Variants in CFAP299 observed in about 807,000 individuals in gnomAD.
The protein encoded by CFAP299 is cilia and flagella associated protein 299.
A neutral mutation model predicts 27.0 loss-of-function variants in CFAP299; 21 were observed. The observed-to-expected ratio is 0.78, with a 90% CI of 0.55 to 1.12. The LOEUF is 1.12. Among genes scored for constraint, CFAP299 ranks in the 50% most tolerant of loss-of-function variants. The probability of loss-of-function intolerance (pLI) is 0.00; values close to 1 mark genes in which losing one functional copy is unlikely to be tolerated. For missense variants in CFAP299, 310 were observed against 276.6 expected, an observed-to-expected ratio of 1.12 and a Z score of -0.86; for synonymous variants, 104 against 98.1, an observed-to-expected ratio of 1.06 and a Z score of -0.36.
At chr4:80,651,269 C>A (rs1401421363) in intron 3 of CFAP299, among the ~76,000 whole-genome samples, 1 of 134,270 alleles carries the variant, frequency 7.4e-6, no homozygotes, top group Non-Finnish European at 1.6e-5. Context: ...CTTTCTTTCT[C>A]TTTCTCTCTT....
intron 2 of CFAP299, among the ~76,000 whole-genome samples, chr4:80,530,790 G>A (rs1304942766): frequency 6.6e-6 from 1 of 152,202 alleles, no homozygotes; most frequent in East Asian, 1.9e-4. Flanking sequence ...AAGCAGAGCT[G>A]ATCTGGCAGA....
At chr4:80,479,474 G>A (rs1039187312) in intron 2 of CFAP299, among the ~76,000 whole-genome samples, 20 of 152,018 alleles carry the variant, frequency 1.3e-4, no homozygotes, top group African/African-American at 4.1e-4. Flanking sequence ...ATGCCAACAT[G>A]CATACAAAAA....
At chr4:80,944,366 T>G (rs1483309597) in intron 4 of CFAP299, among the ~76,000 whole-genome samples, 1 of 152,090 alleles carries the variant, frequency 6.6e-6, no homozygotes, top group Non-Finnish European at 1.5e-5. Context: ...GAGAAACATA[T>G]TATTGAGGAA....
In CFAP299 at chr4:80,715,373, A is replaced by G. The variant is rs181952723; in HGVS notation, c.333+132190A>G. On this transcript the variant is annotated intron_variant, in intron 3 of 5. Coordinates refer to ENST00000358105, the MANE Select transcript of CFAP299 (RefSeq NM_152770.3). ...ACCTCAGATATGTTGATTTCCCTAT[A>G]AATTCTGGCAATGCTTAGGTCTATT... 3.1e-3 allele frequency among the ~76,000 whole-genome samples: 471 copies of G among 152,192 alleles called. 1 individual carries two copies. Among genetic ancestry groups the G allele is most frequent in the Middle Eastern group, 0.01 (3 of 292 alleles).
chr4:80,356,242 C>A (rs973591026), intron 1 of CFAP299, among the ~76,000 whole-genome samples: 1 of 151,776 alleles, frequency 6.6e-6, no homozygotes, highest in African/African-American at 2.4e-5. Context: ...GTTACTGTAG[C>A]CTTATAGTTT....
At chr4:80,772,849 C>T (rs1472028967) in intron 3 of CFAP299, among the ~76,000 whole-genome samples, 1 of 152,050 alleles carries the variant, frequency 6.6e-6, no homozygotes, top group East Asian at 1.9e-4. Context: ...CCAAGCAATC[C>T]CATTATTGGG....
chr4:80,933,290 A>G (rs1402445290), intron 4 of CFAP299, among the ~76,000 whole-genome samples: 1 of 152,024 alleles, frequency 6.6e-6, no homozygotes, highest in Non-Finnish European at 1.5e-5. Context: ...TTTGACCAAC[A>G]TCTCCTCACT....
At chr4:80,575,376 G>A (rs532068810) in intron 2 of CFAP299, among the ~76,000 whole-genome samples, 1 of 151,324 alleles carries the variant, frequency 6.6e-6, no homozygotes, top group South Asian at 2.1e-4. Flanking sequence ...GCCAGGCTGG[G>A]ATGCAGTGGC....
chr4:80,700,919 G>T (rs914237348), intron 3 of CFAP299, among the ~76,000 whole-genome samples: 2 of 151,956 alleles, frequency 1.3e-5, no homozygotes, highest in African/African-American at 4.8e-5. Context: ...AGAAAAACAT[G>T]TTTATTTTGT....
chr4:80,521,798 T>G (rs921892997), intron 2 of CFAP299, among the ~76,000 whole-genome samples: 2 of 152,186 alleles, frequency 1.3e-5, no homozygotes, highest in African/African-American at 2.4e-5. Context: ...TTCCCTTTTT[T>G]TTTTTGTAAG....
chr4:80,851,400 C>T (rs980337009), intron 3 of CFAP299, among the ~76,000 whole-genome samples: 5 of 152,072 alleles, frequency 3.3e-5, no homozygotes, highest in Admixed American at 2.0e-4. Context: ...AACCTCTTAA[C>T]ATTTTGTGAA....
At chr4:80,552,871 A>G (rs1262368581) in intron 2 of CFAP299, among the ~76,000 whole-genome samples, 1 of 152,100 alleles carries the variant, frequency 6.6e-6, no homozygotes, top group Non-Finnish European at 1.5e-5. Context: ...AAGTTTTTAG[A>G]GATGGGGGCG....
At chr4:80,827,012 T>A (rs13127799) in intron 3 of CFAP299, among the ~76,000 whole-genome samples, 1 of 146,556 alleles carries the variant, frequency 6.8e-6, no homozygotes, top group Non-Finnish European at 1.5e-5. Context: ...TGGAGACAAA[T>A]GAAAATGAAA....
chr4:80,937,429 A>C (rs1325381896), intron 4 of CFAP299, among the ~76,000 whole-genome samples: 1 of 141,554 alleles, frequency 7.1e-6, no homozygotes, highest in African/African-American at 2.6e-5. Context: ...CGATCCTCCC[A>C]CCTTAACCTC....
intron 2 of CFAP299, among the ~76,000 whole-genome samples, chr4:80,484,109 T>C (rs1270076684): frequency 2.0e-5 from 3 of 152,154 alleles, no homozygotes; most frequent in Non-Finnish European, 4.4e-5. Flanking sequence ...TTTTCGTTTT[T>C]ACCCCTAAAG....
intron 3 of CFAP299, among the ~76,000 whole-genome samples, chr4:80,786,841 A>G (rs1727273787): frequency 6.6e-6 from 1 of 152,090 alleles, no homozygotes; most frequent in East Asian, 1.9e-4. Context: ...ATTGCTACCA[A>G]TGCTTAAATC....
chr4:80,385,176 A>T (rs975538286), intron 2 of CFAP299, among the ~76,000 whole-genome samples: 46 of 152,146 alleles, frequency 3.0e-4, no homozygotes, highest in African/African-American at 9.9e-4. Context: ...ATGCTGTGCC[A>T]TACATCTTGA....
At chr4:80,381,941 A>G (rs1040393869) in intron 2 of CFAP299, among the ~76,000 whole-genome samples, 1 of 152,120 alleles carries the variant, frequency 6.6e-6, no homozygotes, top group African/African-American at 2.4e-5. Context: ...CTGCATTCCT[A>G]CAAAAGAATT....
At chr4:80,525,178 C>T (rs1004773004) in intron 2 of CFAP299, among the ~76,000 whole-genome samples, 2 of 152,066 alleles carry the variant, frequency 1.3e-5, no homozygotes, top group Admixed American at 6.6e-5. Flanking sequence ...TCATGAAGGG[C>T]GTGACATCCC....
Sources: gnomAD v4.1 joint callset for allele counts (sites outside exome capture counted in the v4.1 genomes callset) on GRCh38, gnomAD v4.1.1 for gene constraint, MANE v1.5 for transcripts, NCBI Gene and HGNC (gene_info 2026-07-23, HGNC 2026-07-21) for gene names.